AURKC: variants seen among roughly 807,000 people sequenced by gnomAD.
AURKC encodes the protein aurora kinase C, also known as ARK-3.
In AURKC, 15 loss-of-function variants were observed where a neutral mutation model predicts 29.2. That is an observed-to-expected ratio of 0.51 (90% confidence interval 0.34 to 0.79). The LOEUF is 0.79. AURKC is among the 30% of genes least tolerant of loss of function. The pLI is 0.01. For missense variants in AURKC, 332 were observed against 383.2 expected (o/e 0.87, Z 1.12); for synonymous variants, 150 against 149.9 (o/e 1.00, Z -0.01).
chr19:57,231,916 A>G, intron 2 of AURKC, 117 bp from the exon 3 acceptor site: 1 of 1,604,920 alleles, frequency 6.2e-7, no homozygotes, highest in African/African-American at 1.3e-5. Context: ...CTGTGTGAGA[A>G]GGGAAAGCGG....
intron 1 of AURKC, 95 bp from the exon 2 acceptor site, chr19:57,231,647 A>G (rs2087491606): frequency 7.2e-6 from 10 of 1,386,910 alleles, no homozygotes; most frequent in East Asian, 2.4e-5. Context: ...CTCGCTCCCT[A>G]TTCCCTTCTC....
At position 57,234,909 on chromosome 19, in the gene AURKC, G is replaced by T; in HGVS notation, c.610G>T (p.Asp204Tyr). Residue 204 changes from aspartate to tyrosine, a missense_variant, in exon 6 of 7, where the codon GAC becomes TAC. Transcript: ENST00000302804. ...GAGGAAGACAATGTGTGGGACACTG[G>T]ACTACTTGCCGCCAGAAATGATTGA... ...LRRKTMCGTL[D>Y]YLPPEMIEGR... The T allele has an allele frequency of 6.2e-7, 1 of 1,614,168 alleles. No individual in the cohort carries two copies. The highest frequency in any genetic ancestry group is 2.2e-5 in the East Asian group (1 of 44,882).
chr19:57,231,482 ACT>A (rs1268353239), intron 1 of AURKC, 176 bp downstream of exon 1: 2 of 679,786 alleles, frequency 2.9e-6, no homozygotes, highest in East Asian at 3.0e-5. Flanking sequence ...TCCCTCCCCT[ACT>A]CTCTCCTCCC....
chr19:57,232,399 G>T lies in AURKC; in HGVS notation c.297-143G>T. 2 of 1,455,190 alleles carry T rather than the reference G, an allele frequency of 1.4e-6. No homozygotes were observed. The highest frequency in any genetic ancestry group is 9.5e-7 in the Non-Finnish European group (1 of 1,048,064). The allele number at this position is 1,455,190 out of a possible 1,614,324, so 90.1% of individuals were successfully genotyped here. A position where few individuals can be genotyped will look rare whatever the true frequency, so the allele number is the denominator to read the frequency against. On this transcript the variant is annotated intron_variant, in intron 3 of 6. Transcript: ENST00000302804. The surrounding 1 kb of genome is among the most constrained non-coding windows in gnomAD (Gnocchi z 4.5). ...ACTCGAATCCTGGTTCCTGTTCTCCGTTCTCCCCTCACTTGCTCCCAGATA... is the reference window on the plus strand; with the variant it reads ...ACTCGAATCCTGGTTCCTGTTCTCCTTTCTCCCCTCACTTGCTCCCAGATA...
In AURKC at chr19:57,232,167, AGAAG is replaced by A; in HGVS notation, c.246_249del (p.Glu82AspfsTer36). On this transcript the variant is annotated frameshift_variant, in exon 3 of 7. Coordinates refer to ENST00000302804, the MANE Select transcript of AURKC (RefSeq NM_001015878.2). LOFTEE classifies it high-confidence loss of function. The surrounding 1 kb of genome is among the most constrained non-coding windows in gnomAD (Gnocchi z 4.5). Reference sequence around the variant, plus strand: ...AAGGTTCTCTTCAAGTCGCAGATAGAGAAGGAAGGACTGGAGCACCAGCTGCGCC... The same window carrying A: ...AAGGTTCTCTTCAAGTCGCAGATAGAGAAGGACTGGAGCACCAGCTGCGCC... 1 of 1,614,100 alleles carries A rather than the reference AGAAG, an allele frequency of 6.2e-7. No individual in the cohort carries two copies. The highest frequency in any genetic ancestry group is 8.5e-7 in the Non-Finnish European group (1 of 1,180,012).
chr19:57,231,398 C>T (rs1417289538), intron 1 of AURKC, 92 bp downstream of exon 1: 2 of 1,343,910 alleles, frequency 1.5e-6, no homozygotes, highest in Non-Finnish European at 1.0e-6. Flanking sequence ...GACATCTCCC[C>T]TCCCTCTCCT....
At chr19:57,231,407 C>A in intron 1 of AURKC, 101 bp downstream of exon 1, 1 of 1,316,884 alleles carries the variant, frequency 7.6e-7, no homozygotes, top group Non-Finnish European at 1.1e-6. Context: ...CCTCCCTCTC[C>A]TCCTCCCCAA....
chr19:57,232,330 C>T lies in AURKC; in HGVS notation c.296+106C>T. ...CTGCACTTGTACCTTGAAGACTTCTCTGCAGTTCATTCCATTTACACTACC... is the reference window on the plus strand; with the variant it reads ...CTGCACTTGTACCTTGAAGACTTCTTTGCAGTTCATTCCATTTACACTACC... On this transcript the variant is annotated intron_variant, in intron 3 of 6. Transcript: ENST00000302804. The surrounding 1 kb of genome is among the most constrained non-coding windows in gnomAD (Gnocchi z 4.5). 6.8e-7 allele frequency: 1 copy of T among 1,464,542 alleles called. No individual in the cohort carries two copies. Among genetic ancestry groups the T allele is most frequent in the Non-Finnish European group, 9.4e-7 (1 of 1,067,856 alleles). 90.7% of individuals were successfully genotyped at this position (1,464,542 alleles called of 1,614,324 possible). A position where few individuals can be genotyped will look rare whatever the true frequency, so the allele number is the denominator to read the frequency against.
chr19:57,233,816 C>T (rs1010354424), intron 5 of AURKC, among the ~76,000 whole-genome samples: 41 of 151,666 alleles, frequency 2.7e-4, no homozygotes, highest in African/African-American at 2.4e-5. Context: ...GGCACAATCT[C>T]GGCCTCCCAG....
chr19:57,231,433 C>T (rs572291633), intron 1 of AURKC, 127 bp downstream of exon 1: 89 of 1,065,594 alleles, frequency 8.4e-5, no homozygotes, highest in South Asian at 3.9e-4. Context: ...TTCTTTTCTC[C>T]CCACTCCCTC....
At position 57,232,010 on chromosome 19, in the gene AURKC, C is replaced by T. The variant is rs1171383077; in HGVS notation, c.105-23C>T. 3 of 1,613,754 alleles carry T rather than the reference C, an allele frequency of 1.9e-6. No homozygotes were observed. The highest frequency in any genetic ancestry group is 2.7e-5 in the African/African-American group (2 of 74,890). On this transcript the variant is annotated intron_variant, in intron 2 of 6. Coordinates refer to ENST00000302804, the MANE Select transcript of AURKC (RefSeq NM_001015878.2). This position sits in a 1 kb window ranked among gnomAD's most constrained non-coding sequence, Gnocchi z 4.5. The stretch of plus-strand genomic sequence containing the variant: ...GCCTACCCTACCTCCCAAGCTGAGG[C>T]TTTTTTCTTCCTCTCCTGTCAGGCG...
rs121908654 is a variant in AURKC, at chr19:57,234,985, G to A, written c.686G>A (p.Cys229Tyr). The A allele has an allele frequency of 6.2e-7, 1 of 1,614,200 alleles. No individual in the cohort carries two copies. Among genetic ancestry groups the A allele is most frequent in the Non-Finnish European group, 8.5e-7 (1 of 1,180,036 alleles). The change falls in exon 6 of 7, where the codon TGC becomes TAC. Residue 229 changes from cysteine to tyrosine, a missense_variant. Coordinates refer to ENST00000302804, the MANE Select transcript of AURKC (RefSeq NM_001015878.2). ...GATTTGTGGTGCATTGGAGTGCTCT[G>A]CTATGAGCTGCTGGTGGGATATCCA... is the stretch of plus-strand genomic sequence containing the variant. Reference protein sequence around the residue: ...KVDLWCIGVLCYELLVGYPPF... With the variant: ...KVDLWCIGVLYYELLVGYPPF...
At chr19:57,234,832 C>A (rs1297481718) in intron 5 of AURKC, 52 bp from the exon 6 acceptor site, 2 of 1,609,088 alleles carry the variant, frequency 1.2e-6, no homozygotes, top group African/African-American at 2.7e-5. Context: ...GGAGAATTTC[C>A]CTCATCCTGG....
Position 57,232,426 on chromosome 19 carries a change from G to A in AURKC, c.297-116G>A. 6.5e-7 allele frequency: 1 copy of A among 1,532,066 alleles called. No individual in the cohort carries two copies. The highest frequency in any genetic ancestry group is 9.0e-7 in the Non-Finnish European group (1 of 1,113,022). The allele number at this position is 1,532,066 out of a possible 1,614,324, so 94.9% of individuals were successfully genotyped here. A position where few individuals can be genotyped will look rare whatever the true frequency, so the allele number is the denominator to read the frequency against. ...TCTCCCCTCACTTGCTCCCAGATAGGGCTGTTGTTATTCTGGTCCCAGCAT... is the reference window on the plus strand; with the variant it reads ...TCTCCCCTCACTTGCTCCCAGATAGAGCTGTTGTTATTCTGGTCCCAGCAT... On this transcript the variant is annotated intron_variant, in intron 3 of 6. Transcript: ENST00000302804. This position sits in a 1 kb window ranked among gnomAD's most constrained non-coding sequence, Gnocchi z 4.5.
chr19:57,231,574 C>T (rs1157448422), intron 1 of AURKC, 168 bp from the exon 2 acceptor site: 8 of 778,072 alleles, frequency 1.0e-5, no homozygotes, highest in South Asian at 1.6e-5. Context: ...CCTTACCTCT[C>T]CCTCCCCCTC....
rs1373200287 is a variant in AURKC at position 57,235,379 on chromosome 19, C to T, written c.892C>T (p.Arg298Ter). 5.6e-6 allele frequency: 9 copies of T among 1,613,970 alleles called. No individual in the cohort carries two copies. In the African/African-American group the frequency reaches 8.0e-5, roughly 14 times the overall value. The change falls in exon 7 of 7, where the codon CGA (arginine) becomes TGA (stop). Residue 298 changes from arginine to a stop codon, truncating the protein, a stop_gained. Coordinates refer to ENST00000302804, the MANE Select transcript of AURKC (RefSeq NM_001015878.2). LOFTEE classifies it high-confidence loss of function. ...GCACCCCTGGGTTCAGGCCCACTCC[C>T]GAAGGGTGCTGCCTCCCTGTGCTCA... is the stretch of plus-strand genomic sequence containing the variant. Reference protein sequence around the residue: ...LKHPWVQAHSRRVLPPCAQMA... With the variant: ...LKHPWVQAHS
chr19:57,233,686 A>G (rs746378412), intron 5 of AURKC, 78 bp downstream of exon 5: 1 of 1,595,352 alleles, frequency 6.3e-7, no homozygotes, highest in Non-Finnish European at 8.6e-7. Context: ...TCATGTGTCC[A>G]TGTGTAAAAC....
Position 57,235,365 on chromosome 19 carries a change from T to A in AURKC, c.878T>A (p.Val293Asp). Residue 293 changes from valine to aspartate, a missense_variant, in exon 7 of 7, where the codon GTT becomes GAT. By Grantham distance (152) the Val-to-Asp change is radical (BLOSUM62 -3). Transcript: ENST00000302804. ...GCCCAGATCCTGAAGCACCCCTGGGTTCAGGCCCACTCCCGAAGGGTGCTG... is the reference window on the plus strand; with the variant it reads ...GCCCAGATCCTGAAGCACCCCTGGGATCAGGCCCACTCCCGAAGGGTGCTG... The part of the protein sequence containing the change: ...PLAQILKHPW[V>D]QAHSRRVLPP... The A allele has an allele frequency of 6.2e-7, 1 of 1,614,062 alleles. No individual in the cohort carries two copies. The highest frequency in any genetic ancestry group is 2.2e-5 in the East Asian group (1 of 44,868).
chr19:57,231,868 C>T, intron 2 of AURKC, 81 bp downstream of exon 2: 3 of 1,611,934 alleles, frequency 1.9e-6, no homozygotes, highest in Non-Finnish European at 2.5e-6. Flanking sequence ...GTGTGGGGTG[C>T]TGGCTCCTGG....
Sources: allele counts gnomAD v4.1 joint callset (sites outside exome capture counted in the v4.1 genomes callset), GRCh38; gene constraint gnomAD v4.1.1; non-coding constraint Gnocchi (gnomAD v3.1); transcripts MANE v1.5; gene names NCBI Gene and HGNC (gene_info 2026-07-23, HGNC 2026-07-21).